Variants in SPTLC3 observed in about 807,000 individuals in gnomAD.
The protein encoded by SPTLC3 is serine palmitoyltransferase 3.
A neutral mutation model predicts 59.3 loss-of-function variants in SPTLC3; 36 were observed. The observed-to-expected ratio is 0.61, with a 90% CI of 0.47 to 0.80. SPTLC3 has a LOEUF of 0.80. Among genes scored for constraint, SPTLC3 ranks in the 30% least tolerant of loss-of-function variants. SPTLC3 has a pLI of 0.00. For synonymous variants in SPTLC3, 257 were observed against 240.8 expected, an observed-to-expected ratio of 1.07 and a Z score of -0.62; for missense variants, 625 against 685.1, an observed-to-expected ratio of 0.91 and a Z score of 0.98.
chr20:13,155,042 A>G (rs11908122), intron 10 of SPTLC3, among the ~76,000 whole-genome samples: 1 of 152,016 alleles, frequency 6.6e-6, no homozygotes, highest in Non-Finnish European at 1.5e-5. Context: ...TTAGGTGGGC[A>G]TGGTGGTGCA....
At chr20:13,091,546 C>G (rs554730311) in intron 5 of SPTLC3, among the ~76,000 whole-genome samples, 1 of 150,258 alleles carries the variant, frequency 6.7e-6, no homozygotes, top group Non-Finnish European at 1.5e-5. Context: ...GCACTCTAGC[C>G]TGGTGACAGA....
intron 4 of SPTLC3, among the ~76,000 whole-genome samples, chr20:13,085,176 A>C (rs1568594614): frequency 3.9e-5 from 6 of 152,082 alleles, no homozygotes; most frequent in Admixed American, 3.9e-4. Context: ...ATGCTTCGTA[A>C]CTGTATGACC....
At chr20:13,038,159 G>T (rs1402987453) in intron 1 of SPTLC3, among the ~76,000 whole-genome samples, 1 of 151,650 alleles carries the variant, frequency 6.6e-6, no homozygotes, top group Non-Finnish European at 1.5e-5. Flanking sequence ...CTTTATCTGT[G>T]ATGTCTTTGT....
chr20:13,065,671 A>G (rs1988175472), intron 2 of SPTLC3, among the ~76,000 whole-genome samples: 1 of 149,314 alleles, frequency 6.7e-6, no homozygotes, highest in Non-Finnish European at 1.5e-5. Flanking sequence ...TTACATTCAT[A>G]TCTTCTTTTA....
chr20:13,014,259 T>C lies in SPTLC3; in HGVS notation c.117+4875T>C, dbSNP rs117591926. 5.6e-3 allele frequency among the ~76,000 whole-genome samples: 855 copies of C among 152,258 alleles called. 4 individuals are homozygous for C. Among genetic ancestry groups the C allele is most frequent in the Non-Finnish European group, 9.7e-3 (663 of 68,026 alleles). The stretch of plus-strand genomic sequence containing the variant: ...GGGATTGGAGAGATTATTGTGACCA[T>C]CTTTGGAAATAGTCCACCACAATAG... On this transcript the variant is annotated intron_variant, in intron 1 of 11. Transcript: ENST00000399002.
At chr20:13,120,291 A>G (rs1179359740) in intron 8 of SPTLC3, among the ~76,000 whole-genome samples, 1 of 152,154 alleles carries the variant, frequency 6.6e-6, no homozygotes, top group African/African-American at 2.4e-5. Flanking sequence ...GTATATCTCA[A>G]ATTCGGGGAT....
chr20:13,095,341 T>C (rs923346025), intron 6 of SPTLC3, among the ~76,000 whole-genome samples: 6 of 152,200 alleles, frequency 3.9e-5, no homozygotes, highest in African/African-American at 1.4e-4. Flanking sequence ...TCATCATCAA[T>C]GTAAACCCCT....
chr20:13,065,995 T>A (rs1988190498), intron 2 of SPTLC3, among the ~76,000 whole-genome samples: 1 of 152,258 alleles, frequency 6.6e-6, no homozygotes, highest in South Asian at 2.1e-4. Flanking sequence ...CACCATGCTG[T>A]ACATTAGGTC....
chr20:13,156,085 C>T (rs1001999508), intron 10 of SPTLC3, among the ~76,000 whole-genome samples: 5 of 152,176 alleles, frequency 3.3e-5, no homozygotes, highest in African/African-American at 9.7e-5. Context: ...CACACAGACA[C>T]ACATACATTT....
chr20:13,050,304 C>T (rs1458361827), intron 2 of SPTLC3: 1 of 151,984 alleles, frequency 6.6e-6, no homozygotes, highest in Admixed American at 6.6e-5. Flanking sequence ...AAAGTCTCAG[C>T]AATAGAATTG....
In SPTLC3 at chr20:13,009,375, G is replaced by GGAA. The variant is rs1568561103; in HGVS notation, c.110_112dup (p.Glu37dup). The stretch of plus-strand genomic sequence containing the variant: ...ACTGCACAAAGAATGGAATAGTGAA[G>GGAA]GAAGCCCAGGTAAGAGGCACTCTCC... On this transcript the variant is annotated inframe_insertion, in exon 1 of 12. Transcript: ENST00000399002. 1 of 1,613,886 alleles carries GGAA rather than the reference G, an allele frequency of 6.2e-7. No homozygotes were observed. Among genetic ancestry groups the GGAA allele is most frequent in the South Asian group, 1.1e-5 (1 of 91,060 alleles).
chr20:13,126,011 C>T (rs2037980584), intron 8 of SPTLC3, among the ~76,000 whole-genome samples: 1 of 151,792 alleles, frequency 6.6e-6, no homozygotes, highest in Non-Finnish European at 1.5e-5. Context: ...CTTCTGCCAC[C>T]CTCCCTCCAC....
At chr20:13,137,982 C>G (rs2038288429) in intron 9 of SPTLC3, among the ~76,000 whole-genome samples, 1 of 152,154 alleles carries the variant, frequency 6.6e-6, no homozygotes, top group Non-Finnish European at 1.5e-5. Flanking sequence ...GGACTCAGAA[C>G]AGCTTGGGGA....
At chr20:13,095,224 G>A (rs577653405) in intron 6 of SPTLC3, among the ~76,000 whole-genome samples, 80 of 152,328 alleles carry the variant, frequency 5.3e-4, no homozygotes, top group African/African-American at 1.8e-3. Flanking sequence ...GGGATAGCTA[G>A]GCAGTCATTC....
intron 10 of SPTLC3, among the ~76,000 whole-genome samples, chr20:13,157,192 C>A (rs942691734): frequency 6.6e-6 from 1 of 151,498 alleles, no homozygotes; most frequent in Non-Finnish European, 1.5e-5. Context: ...AATCCCAACA[C>A]TTTAGGAGGC....
In SPTLC3 at chr20:13,167,603, G is replaced by A. The variant is rs752142052; in HGVS notation, c.*2736G>A. ...AGGTTCCAGATGATATTTGTAAGGA[G>A]GCTATCTCTGTATAATAAGGAAATG... On this transcript the variant is annotated 3_prime_UTR_variant, in exon 12 of 12. Coordinates refer to ENST00000399002, the MANE Select transcript of SPTLC3 (RefSeq NM_018327.4). 4.6e-5 allele frequency: 7 copies of A among 152,166 alleles called. No individual in the cohort carries two copies. The highest frequency in any genetic ancestry group is 8.8e-5 in the Non-Finnish European group (6 of 68,036). 9.4% of individuals were successfully genotyped at this position (152,166 alleles called of 1,614,324 possible).
intron 5 of SPTLC3, among the ~76,000 whole-genome samples, chr20:13,091,895 A>C (rs4814200): frequency 0.14 from 20,692 of 152,214 alleles, 1,438 homozygotes; most frequent in South Asian, 0.17. Context: ...AATTATTGAG[A>C]ACCTACTATG....
At chr20:13,088,429 G>A (rs1057168308) in intron 4 of SPTLC3, among the ~76,000 whole-genome samples, 1 of 151,406 alleles carries the variant, frequency 6.6e-6, no homozygotes, top group Non-Finnish European at 1.5e-5. Flanking sequence ...CCGCCTCCCG[G>A]GTTCACATCA....
At chr20:13,077,946 C>T (rs1261357034) in intron 4 of SPTLC3, among the ~76,000 whole-genome samples, 1 of 151,660 alleles carries the variant, frequency 6.6e-6, no homozygotes, top group Non-Finnish European at 1.5e-5. Context: ...AGCCCAAGCC[C>T]AACATCTGTA....
Sources: allele counts gnomAD v4.1 joint callset (sites outside exome capture counted in the v4.1 genomes callset), GRCh38; gene constraint gnomAD v4.1.1; transcripts MANE v1.5; gene names NCBI Gene and HGNC (gene_info 2026-07-23, HGNC 2026-07-21).